The following LPP variants were observed in gnomAD, a reference collection of about 807,000 sequenced individuals.
The protein encoded by LPP is LIM domain containing preferred translocation partner in lipoma.
Under a neutral mutation model 60.4 loss-of-function variants are expected in LPP, and 38 were observed. The ratio of observed to expected loss-of-function variants is 0.63; its 90% confidence interval spans 0.49 to 0.83. The LOEUF (loss-of-function observed/expected upper bound fraction) is 0.83, where lower values mean the gene tolerates loss of function less well. LPP is among the 40% of genes least tolerant of loss of function. LPP has a pLI of 0.00. For missense variants in LPP, 902 were observed against 783.6 expected (o/e 1.15, Z -1.80); for synonymous variants, 328 against 290.8 (o/e 1.13, Z -1.30).
At chr3:188,590,823 G>A (rs1838536706) in intron 6 of LPP, among the ~76,000 whole-genome samples, 1 of 152,138 alleles carries the variant, frequency 6.6e-6, no homozygotes. Context: ...TAACTAGCCT[G>A]TGATCTCTAA....
intron 3 of LPP, among the ~76,000 whole-genome samples, chr3:188,361,673 T>A (rs1769444595): frequency 6.6e-6 from 1 of 152,020 alleles, no homozygotes; most frequent in African/African-American, 2.4e-5. Context: ...TCCAAGCGAT[T>A]CTCATGCCTC....
intron 8 of LPP, among the ~76,000 whole-genome samples, chr3:188,753,892 A>T (rs182126795): frequency 1.3e-5 from 2 of 152,130 alleles, no homozygotes; most frequent in Admixed American, 6.5e-5. Flanking sequence ...GCCTCTCTAT[A>T]GAATCAGATA....
chr3:188,783,248 G>C (rs1259891402), intron 9 of LPP, among the ~76,000 whole-genome samples: 1 of 152,052 alleles, frequency 6.6e-6, no homozygotes, highest in Non-Finnish European at 1.5e-5. Context: ...TGGAAAGTTG[G>C]ATATTAGAAA....
chr3:188,232,408 A>G (rs967970672), intron 2 of LPP, among the ~76,000 whole-genome samples: 1 of 151,594 alleles, frequency 6.6e-6, no homozygotes, highest in African/African-American at 2.4e-5. Context: ...GCAATGGTAC[A>G]GCTCACTGCA....
rs2148622086 is a variant in LPP, at chr3:188,154,181, G to A, written c.-261G>A. The A allele has an allele frequency of 4.7e-6, 1 of 213,840 alleles. No individual in the cohort carries two copies. Among genetic ancestry groups the A allele is most frequent in the Non-Finnish European group, 9.0e-6 (1 of 110,776 alleles). 13.2% of individuals were successfully genotyped at this position (213,840 alleles called of 1,614,324 possible). A position where few individuals can be genotyped will look rare whatever the true frequency, so the allele number is the denominator to read the frequency against. On this transcript the variant is annotated 5_prime_UTR_variant, in exon 1 of 12. Coordinates refer to ENST00000617246, the MANE Select transcript of LPP (RefSeq NM_001375462.1). The stretch of plus-strand genomic sequence containing the variant: ...CACCTCCTCCTCTGCCTCTGCCTCC[G>A]CCTCCAGCCGCCGCCGCCGCCGCCG...
chr3:188,679,841 T>C (rs1441214491), intron 7 of LPP, among the ~76,000 whole-genome samples: 1 of 152,208 alleles, frequency 6.6e-6, no homozygotes, highest in African/African-American at 2.4e-5. Flanking sequence ...ACCATGACCA[T>C]CTATTGTTAT....
chr3:188,333,630 A>T (rs975496923), intron 2 of LPP, among the ~76,000 whole-genome samples: 14 of 152,178 alleles, frequency 9.2e-5, no homozygotes, highest in Admixed American at 9.2e-4. Flanking sequence ...AGATAGCTTC[A>T]TGTTTTTTTC....
At chr3:188,181,408 C>A (rs1363336720) in intron 1 of LPP, among the ~76,000 whole-genome samples, 3 of 150,472 alleles carry the variant, frequency 2.0e-5, no homozygotes, top group Admixed American at 2.0e-4. Context: ...TCATTTGCAA[C>A]AGCCAGTGTG....
intron 9 of LPP, among the ~76,000 whole-genome samples, chr3:188,764,852 A>C (rs1733512008): frequency 6.6e-6 from 1 of 152,150 alleles, no homozygotes; most frequent in South Asian, 2.1e-4. Context: ...TGACAGCAGA[A>C]GGTGGTACAG....
chr3:188,320,947 G>A (rs1204089867), intron 2 of LPP, among the ~76,000 whole-genome samples: 3 of 152,196 alleles, frequency 2.0e-5, no homozygotes, highest in African/African-American at 4.8e-5. Flanking sequence ...AGTGGCCAGT[G>A]TGAGTAAGCT....
intron 4 of LPP, among the ~76,000 whole-genome samples, chr3:188,420,636 C>G (rs988914827): frequency 6.6e-6 from 1 of 152,122 alleles, no homozygotes; most frequent in African/African-American, 2.4e-5. Flanking sequence ...AAAGCATTCA[C>G]AACACCATCA....
At chr3:188,381,297 T>TTCTCCTTCTTACCCCTTCTCTTC (rs1417701405) in intron 3 of LPP, among the ~76,000 whole-genome samples, 1 of 152,234 alleles carries the variant, frequency 6.6e-6, no homozygotes, top group Non-Finnish European at 1.5e-5. Context: ...CTTTTCTCTT[T>TTCTCCTTCTTACCCCTTCTCTTC]TCTCCTTCTT....
intron 2 of LPP, among the ~76,000 whole-genome samples, chr3:188,251,601 A>G (rs1302446564): frequency 6.6e-6 from 1 of 152,146 alleles, no homozygotes; most frequent in Non-Finnish European, 1.5e-5. Flanking sequence ...AAATACTACT[A>G]CTATTAATTT....
chr3:188,201,630 C>T (rs979384702), intron 1 of LPP, among the ~76,000 whole-genome samples: 2 of 152,060 alleles, frequency 1.3e-5, no homozygotes, highest in African/African-American at 4.8e-5. Context: ...TGGCCTGAAC[C>T]CAAGAAGTGG....
rs529744032 is a variant in LPP, at chr3:188,264,116, A to G, written c.-67+38589A>G. On this transcript the variant is annotated intron_variant, in intron 2 of 11. Transcript: ENST00000617246. Reference sequence around the variant, plus strand: ...TTGGACATGTTTGATCTCCTCCCCTAGAATATAAACAGCTGGAGAGTAGGA... The same window carrying G: ...TTGGACATGTTTGATCTCCTCCCCTGGAATATAAACAGCTGGAGAGTAGGA... Among the ~76,000 whole-genome samples, 10 of 152,264 alleles carry G rather than the reference A, an allele frequency of 6.6e-5. 1 individual carries two copies. Among genetic ancestry groups the G allele is most frequent in the East Asian group, 1.9e-4 (1 of 5,176 alleles).
intron 6 of LPP, among the ~76,000 whole-genome samples, chr3:188,559,418 G>T (rs980638953): frequency 6.6e-6 from 1 of 152,032 alleles, no homozygotes; most frequent in Non-Finnish European, 1.5e-5. Flanking sequence ...CACCAAGCAA[G>T]AAACACTTTG....
At position 188,610,664 on chromosome 3, in the gene LPP, T is replaced by C. The variant is rs1843512483; in HGVS notation, c.1113+820T>C. Among the ~76,000 whole-genome samples, 1 of 152,222 alleles carries C rather than the reference T, an allele frequency of 6.6e-6. No individual in the cohort carries two copies. Among genetic ancestry groups the C allele is most frequent in the East Asian group, 1.9e-4 (1 of 5,202 alleles). On this transcript the variant is annotated intron_variant, in intron 7 of 11. Coordinates refer to ENST00000617246, the MANE Select transcript of LPP (RefSeq NM_001375462.1). The surrounding 1 kb of genome is among the most constrained non-coding windows in gnomAD (Gnocchi z 4.4). The stretch of plus-strand genomic sequence containing the variant: ...TTTTAAGTTAACACTCTCTGTTACT[T>C]CGTCTGAATAGGTAAGGTGTAATAC...
At chr3:188,659,561 A>C (rs989609473) in intron 7 of LPP, among the ~76,000 whole-genome samples, 2 of 152,194 alleles carry the variant, frequency 1.3e-5, no homozygotes, top group Non-Finnish European at 2.9e-5. Context: ...TTTATAAAAA[A>C]TGAGAGCCTG....
chr3:188,460,309 T>G (rs926799294), intron 4 of LPP, among the ~76,000 whole-genome samples: 1 of 152,232 alleles, frequency 6.6e-6, no homozygotes, highest in Non-Finnish European at 1.5e-5. Context: ...ACCTCTACTT[T>G]GGATTCTATT....
Sources: gnomAD v4.1 joint callset for allele counts (sites outside exome capture counted in the v4.1 genomes callset) on GRCh38, gnomAD v4.1.1 for gene constraint, Gnocchi (gnomAD v3.1) non-coding constraint, MANE v1.5 for transcripts, NCBI Gene and HGNC (gene_info 2026-07-23, HGNC 2026-07-21) for gene names.